PTPRN2: variants seen among roughly 807,000 people sequenced by gnomAD.
The protein encoded by PTPRN2 is protein tyrosine phosphatase receptor type N2.
A neutral mutation model predicts 118.8 loss-of-function variants in PTPRN2; 74 were observed. That is an observed-to-expected ratio of 0.62 (90% CI 0.52 to 0.76). The LOEUF (loss-of-function observed/expected upper bound fraction) is 0.76, where lower values mean the gene tolerates loss of function less well. PTPRN2 is among the 30% of genes least tolerant of loss of function. The pLI, the probability that PTPRN2 is intolerant of heterozygous loss-of-function variation, is 0.00. For missense variants in PTPRN2, 1,481 were observed against 1,394.4 expected (o/e 1.06, Z -0.99); for synonymous variants, 641 against 608.0 (o/e 1.05, Z -0.80).
In PTPRN2 at chr7:157,611,668, T is replaced by C. The variant is rs1209609098; in HGVS notation, c.2345-7593A>G. On this transcript the variant is annotated intron_variant, in intron 15 of 22. Coordinates refer to ENST00000389418, the MANE Select transcript of PTPRN2 (RefSeq NM_002847.5). This position sits in a 1 kb window ranked among gnomAD's most constrained non-coding sequence, Gnocchi z 5.9. ...GGCGTGCTGTTAGGAAGAAGGACTC[T>C]GCACACCCACACGGGAGGGAGAGCG... Among the ~76,000 whole-genome samples, 1 of 151,984 alleles carries C rather than the reference T, an allele frequency of 6.6e-6. No homozygotes were observed.
chr7:157,874,848 TACACACGGAGACACACTCGTGCACATAC>T lies in PTPRN2; in HGVS notation c.1788+23797_1788+23824del, dbSNP rs1385642932. ...ACACAGAGACACACTCATGCACATATACACACGGAGACACACTCGTGCACATACACACACGGAGACACACTCGTGCACA... is the reference window on the plus strand; with the variant it reads ...ACACAGAGACACACTCATGCACATATACACACGGAGACACACTCGTGCACA... On this transcript the variant is annotated intron_variant, in intron 12 of 22. Coordinates refer to ENST00000389418, the MANE Select transcript of PTPRN2 (RefSeq NM_002847.5). This position sits in a 1 kb window ranked among gnomAD's most constrained non-coding sequence, Gnocchi z 5.8. Among the ~76,000 whole-genome samples the T allele has an allele frequency of 7.0e-5, 10 of 142,368 alleles. No individual in the cohort carries two copies. The highest frequency in any genetic ancestry group is 2.3e-4 in the South Asian group (1 of 4,400). The allele number at this position is 142,368 out of a possible 152,430, so 93.4% of individuals were successfully genotyped here.
At chr7:158,338,277 G>C (rs528534794) in intron 2 of PTPRN2, among the ~76,000 whole-genome samples, 1 of 72,330 alleles carries the variant, frequency 1.4e-5, no homozygotes, top group Non-Finnish European at 2.7e-5. Context: ...CACCATAAGC[G>C]CTGACACCTG....
rs1373669926 is a variant in PTPRN2, at chr7:157,765,849, CCACT to C, written c.1789-82916_1789-82913del. On this transcript the variant is annotated intron_variant, in intron 12 of 22. Coordinates refer to ENST00000389418, the MANE Select transcript of PTPRN2 (RefSeq NM_002847.5). Reference sequence around the variant, plus strand: ...ATTCTTCCTCCATCCATCCACTCATCCACTCATCCATCCATCCATCCATCATTAC... The same window carrying C: ...ATTCTTCCTCCATCCATCCACTCATCCATCCATCCATCCATCCATCATTAC... Among the ~76,000 whole-genome samples, 15 of 120,604 alleles carry C rather than the reference CCACT, an allele frequency of 1.2e-4. No homozygotes were observed. The East Asian group carries it at 3.7e-3, about 30-fold the overall frequency. 79.1% of individuals were successfully genotyped at this position (120,604 alleles called of 152,430 possible).
At chr7:157,681,820 C>T (rs1472480483) in intron 13 of PTPRN2, among the ~76,000 whole-genome samples, 3 of 152,152 alleles carry the variant, frequency 2.0e-5, no homozygotes, top group Non-Finnish European at 2.9e-5. Context: ...ATTTACAAGA[C>T]GTATTGCACA....
At chr7:158,168,019 G>A (rs538470744) in intron 5 of PTPRN2, among the ~76,000 whole-genome samples, 32 of 152,190 alleles carry the variant, frequency 2.1e-4, no homozygotes, top group South Asian at 4.1e-4. Context: ...GGGTTTATTC[G>A]AGGATATTAC....
chr7:158,191,448 G>A (rs1825759326), intron 5 of PTPRN2, among the ~76,000 whole-genome samples: 1 of 152,068 alleles, frequency 6.6e-6, no homozygotes, highest in African/African-American at 2.4e-5. Context: ...GGCCATCCTG[G>A]GCCTCAACAC....
In PTPRN2 at chr7:158,165,300, G is replaced by A. The variant is rs1180564399; in HGVS notation, c.910+1631C>T. ...GAGCATGGCTTAGAACAGAGGAGAC[G>A]TCGTCCCAGAGGGAGAGGTGCTGGA... On this transcript the variant is annotated intron_variant, in intron 6 of 22. Transcript: ENST00000389418. Among the ~76,000 whole-genome samples the A allele has an allele frequency of 1.3e-5, 2 of 152,186 alleles. 1 individual carries two copies. Among genetic ancestry groups the A allele is most frequent in the African/African-American group, 4.8e-5 (2 of 41,448 alleles).
chr7:158,408,965 T>C lies in PTPRN2; in HGVS notation c.163+80770A>G, dbSNP rs111953561. On this transcript the variant is annotated intron_variant, in intron 2 of 22. Coordinates refer to ENST00000389418, the MANE Select transcript of PTPRN2 (RefSeq NM_002847.5). The stretch of plus-strand genomic sequence containing the variant: ...ACAAAGTTAACCTCCATATTTGCTA[T>C]ACATTCTAGTAATGACTTTGCTCTC... Among the ~76,000 whole-genome samples, 104 of 150,316 alleles carry C rather than the reference T, an allele frequency of 6.9e-4. 2 individuals carry two copies. The highest frequency in any genetic ancestry group is 2.4e-3 in the African/African-American group (100 of 40,900).
intron 3 of PTPRN2, among the ~76,000 whole-genome samples, chr7:158,238,032 T>G (rs1795645142): frequency 6.6e-6 from 1 of 152,150 alleles, no homozygotes; most frequent in African/African-American, 2.4e-5. Context: ...GGCCAGCTGT[T>G]CCGGCAGGGC....
In PTPRN2 at chr7:157,598,048, C is replaced by G. The variant is rs971401119; in HGVS notation, c.2419-2733G>C. ...GAGGAAAAGTCAAGCAAATACTTAACTGGCCACACAGAGATTTTACTACAT... is the reference window on the plus strand; with the variant it reads ...GAGGAAAAGTCAAGCAAATACTTAAGTGGCCACACAGAGATTTTACTACAT... On this transcript the variant is annotated intron_variant, in intron 16 of 22. Coordinates refer to ENST00000389418, the MANE Select transcript of PTPRN2 (RefSeq NM_002847.5). This position sits in a 1 kb window ranked among gnomAD's most constrained non-coding sequence, Gnocchi z 5.2. 1.3e-5 allele frequency among the ~76,000 whole-genome samples: 2 copies of G among 152,254 alleles called. No individual in the cohort carries two copies. Among genetic ancestry groups the G allele is most frequent in the Non-Finnish European group, 2.9e-5 (2 of 68,046 alleles).
chr7:158,351,124 G>A (rs1051983605), intron 2 of PTPRN2, among the ~76,000 whole-genome samples: 1 of 152,172 alleles, frequency 6.6e-6, no homozygotes, highest in Non-Finnish European at 1.5e-5. Context: ...ACTGTTATGC[G>A]GGAGGCAGAA....
At chr7:157,818,140 T>C (rs1181822648) in intron 12 of PTPRN2, among the ~76,000 whole-genome samples, 1 of 151,402 alleles carries the variant, frequency 6.6e-6, no homozygotes, top group Non-Finnish European at 1.5e-5. Context: ...TGTATATGTG[T>C]ATGTGCATGT....
At chr7:158,577,699 A>G (rs1169841420) in intron 1 of PTPRN2, among the ~76,000 whole-genome samples, 2 of 152,252 alleles carry the variant, frequency 1.3e-5, no homozygotes, top group Non-Finnish European at 2.9e-5. Flanking sequence ...CAGACAGATA[A>G]AGGATAGGAT....
Position 157,682,860 on chromosome 7 carries a change from G to A in PTPRN2, c.1866C>T (p.Ser622=), listed in dbSNP as rs767890629. 1.2e-6 allele frequency: 2 copies of A among 1,613,902 alleles called. No homozygotes were observed. Among genetic ancestry groups the A allele is most frequent in the African/African-American group, 2.7e-5 (2 of 74,936 alleles). The part of the protein sequence containing the change: ...STKFIALTLV[S]LACILGVLLA... ...GGAGGACGCCCAGGATGCAGGCGAG[G>A]GAGACCAGGGTGAGCGCGATGAACT... The change falls in exon 13 of 23, where the codon TCC becomes TCT. Residue 622 remains serine, a synonymous_variant. Coordinates refer to ENST00000389418, the MANE Select transcript of PTPRN2 (RefSeq NM_002847.5).
chr7:158,457,256 C>T (rs113860988), intron 2 of PTPRN2, among the ~76,000 whole-genome samples: 8 of 152,296 alleles, frequency 5.3e-5, no homozygotes, highest in South Asian at 2.1e-4. Context: ...ACAGTATCCA[C>T]GCTCTGCATT....
intron 12 of PTPRN2, among the ~76,000 whole-genome samples, chr7:157,843,817 G>C (rs187639660): frequency 6.6e-6 from 1 of 152,204 alleles, no homozygotes; most frequent in Non-Finnish European, 1.5e-5. Flanking sequence ...GGCTTAATGC[G>C]TGGGATGTTA....
At chr7:157,573,988 C>T (rs1439368428) in intron 19 of PTPRN2, among the ~76,000 whole-genome samples, 1 of 152,158 alleles carries the variant, frequency 6.6e-6, no homozygotes, top group Non-Finnish European at 1.5e-5. Context: ...TGTATTATTA[C>T]ACGCAAAGCA....
At position 157,986,608 on chromosome 7, in the gene PTPRN2, T is replaced by C. The variant is rs950957091; in HGVS notation, c.1724-87871A>G. On this transcript the variant is annotated intron_variant, in intron 11 of 22. Coordinates refer to ENST00000389418, the MANE Select transcript of PTPRN2 (RefSeq NM_002847.5). The surrounding 1 kb of genome is among the most constrained non-coding windows in gnomAD (Gnocchi z 4.5). ...TATTCAGACATCACGCTTCCTTTCG[T>C]CCTCACTCAAAATTCCCATTCACTC... 6.6e-6 allele frequency among the ~76,000 whole-genome samples: 1 copy of C among 152,134 alleles called. No homozygotes were observed. Among genetic ancestry groups the C allele is most frequent in the Non-Finnish European group, 1.5e-5 (1 of 68,014 alleles).
At chr7:158,496,313 C>A (rs1821848776) in intron 1 of PTPRN2, among the ~76,000 whole-genome samples, 1 of 111,262 alleles carries the variant, frequency 9.0e-6, no homozygotes, top group Admixed American at 9.1e-5. Flanking sequence ...CTGCAGCGTC[C>A]CCCTTTCCTG....
Sources: gnomAD v4.1 joint callset for allele counts (sites outside exome capture counted in the v4.1 genomes callset) on GRCh38, gnomAD v4.1.1 for gene constraint, Gnocchi (gnomAD v3.1) non-coding constraint, MANE v1.5 for transcripts, NCBI Gene and HGNC (gene_info 2026-07-23, HGNC 2026-07-21) for gene names.